The following NF1 variants were observed in gnomAD, a reference collection of about 807,000 sequenced individuals.
NF1 encodes the protein neurofibromin.
Under a neutral mutation model 325.7 loss-of-function variants are expected in NF1, and 122 were observed. That is an observed-to-expected ratio of 0.37 (90% CI 0.32 to 0.44). The LOEUF is 0.44. Ranked by LOEUF, NF1 falls within the 20% of genes least tolerant of loss-of-function variation. NF1 has a pLI of 1.00. For missense variants in NF1, 2,140 were observed against 3,415.4 expected (o/e 0.63, Z 9.31); for synonymous variants, 1,091 against 1,186.0 (o/e 0.92, Z 1.65).
rs2151561518 is a variant in NF1 at position 31,340,523 on chromosome 17, G to C, written c.6940G>C (p.Ala2314Pro). ...TTGCCAGGACTCGCCTCTGCACAAA[G>C]CCCTCTTTTGGGTAGCTGTGGCTGT... ...LLNKDSPLHK[A>P]LFWVAVAVLQ... Residue 2314 changes from alanine to proline, a missense_variant, in exon 47 of 58, where the codon GCC (alanine) becomes CCC (proline). Coordinates refer to ENST00000358273, the MANE Select transcript of NF1 (RefSeq NM_001042492.3). The C allele has an allele frequency of 6.2e-7, 1 of 1,614,118 alleles. No individual in the cohort carries two copies. The highest frequency in any genetic ancestry group is 8.5e-7 in the Non-Finnish European group (1 of 1,180,010).
At position 31,374,034 on chromosome 17, in the gene NF1, A is replaced by G. The variant is rs753479281; in HGVS notation, c.8399A>G (p.Glu2800Gly). 1 of 1,614,070 alleles carries G rather than the reference A, an allele frequency of 6.2e-7. No homozygotes were observed. The highest frequency in any genetic ancestry group is 1.1e-5 in the South Asian group (1 of 91,088). ...CCAGGAATCGACAAGGAGAACGTTG[A>G]ACTCTCCCCTACCACTGGCCACTGT... The part of the protein sequence containing the change: ...HSPGIDKENV[E>G]LSPTTGHCNS... Residue 2800 changes from glutamate (E) to glycine (G), a missense_variant, in exon 58 of 58, where the codon GAA becomes GGA. Physicochemically the swap from Glu to Gly is moderately conservative, Grantham distance 98 (BLOSUM62 -2). This residue lies in a region of NF1 where 522 missense variants were observed against 749.0 expected (regional missense o/e 0.70). Coordinates refer to ENST00000358273, the MANE Select transcript of NF1 (RefSeq NM_001042492.3).
At chr17:31,315,333 A>T (rs1253379523) in intron 36 of NF1, among the ~76,000 whole-genome samples, 4 of 152,106 alleles carry the variant, frequency 2.6e-5, no homozygotes, top group Non-Finnish European at 5.9e-5. Context: ...AATGAATAAG[A>T]CCTATTTGAT....
At chr17:31,216,884 G>T (rs1454283870) in intron 13 of NF1, among the ~76,000 whole-genome samples, 2 of 151,996 alleles carry the variant, frequency 1.3e-5, no homozygotes, top group Non-Finnish European at 2.9e-5. Context: ...CCTAGAATCT[G>T]CTTACTCTTA....
intron 29 of NF1, among the ~76,000 whole-genome samples, chr17:31,241,123 C>A (rs980016236): frequency 2.6e-5 from 4 of 152,140 alleles, no homozygotes; most frequent in Admixed American, 1.3e-4. Context: ...AGCAATCCAC[C>A]CGCCTCGGTC....
intron 1 of NF1, among the ~76,000 whole-genome samples, chr17:31,108,818 CAG>C (rs916152476): frequency 3.9e-5 from 6 of 152,136 alleles, no homozygotes; most frequent in African/African-American, 7.2e-5. Flanking sequence ...AATGAGTTAA[CAG>C]GGGGGCAAGC....
In NF1 at chr17:31,111,087, A is replaced by G. The variant is rs1322320706; in HGVS notation, c.60+15718A>G. Among the ~76,000 whole-genome samples the G allele has an allele frequency of 3.3e-5, 5 of 152,184 alleles. No individual in the cohort carries two copies. In the East Asian group the frequency reaches 9.7e-4, roughly 29 times the overall value. On this transcript the variant is annotated intron_variant, in intron 1 of 57. Coordinates refer to ENST00000358273, the MANE Select transcript of NF1 (RefSeq NM_001042492.3). ...ACCACCATCACAAACCCCCCCATTA[A>G]TAATTAATTGACATTAATCTGAAAT... is the stretch of plus-strand genomic sequence containing the variant.
chr17:31,097,602 C>A (rs1486788430), intron 1 of NF1, among the ~76,000 whole-genome samples: 1 of 152,130 alleles, frequency 6.6e-6, no homozygotes, highest in Non-Finnish European at 1.5e-5. Flanking sequence ...AAACTCACCA[C>A]CATCTGTTAA....
intron 2 of NF1, among the ~76,000 whole-genome samples, chr17:31,157,795 T>TAA (rs71142027): frequency 0.019 from 2,321 of 122,092 alleles, 27 homozygotes; most frequent in Non-Finnish European, 0.031. Context: ...CCGTCTCTAC[T>TAA]AAAAAAAAAA....
chr17:31,352,217 C>A lies in NF1; in HGVS notation c.7458-40C>A, dbSNP rs763212032. The A allele has an allele frequency of 5.7e-6, 9 of 1,588,010 alleles. No homozygotes were observed. The South Asian group carries it at 9.9e-5, about 18-fold the overall frequency. ...GAGCAAACGATGGTTGTATTTGTCACCATATTAATTGATTTTTCTCTATTG... is the reference window on the plus strand; with the variant it reads ...GAGCAAACGATGGTTGTATTTGTCAACATATTAATTGATTTTTCTCTATTG... On this transcript the variant is annotated intron_variant, in intron 50 of 57. Coordinates refer to ENST00000358273, the MANE Select transcript of NF1 (RefSeq NM_001042492.3).
intron 4 of NF1, 137 bp downstream of exon 4, chr17:31,163,513 C>G: frequency 1.2e-6 from 1 of 836,420 alleles, no homozygotes; most frequent in Non-Finnish European, 1.9e-6. Flanking sequence ...CCCCTCACAG[C>G]AGCTTTGACC....
chr17:31,239,969 G>A (rs1174296140), intron 29 of NF1, among the ~76,000 whole-genome samples: 1 of 152,102 alleles, frequency 6.6e-6, no homozygotes, highest in Non-Finnish European at 1.5e-5. Flanking sequence ...TCACAATATT[G>A]GCCAGGCTAG....
chr17:31,206,490 C>G, intron 12 of NF1, 119 bp downstream of exon 12: 1 of 1,189,072 alleles, frequency 8.4e-7, no homozygotes, highest in Non-Finnish European at 1.2e-6. Context: ...TTCATTTCCT[C>G]TAAATGTTGT....
chr17:31,135,924 C>T (rs1004652517), intron 1 of NF1, among the ~76,000 whole-genome samples: 1 of 151,776 alleles, frequency 6.6e-6, no homozygotes, highest in African/African-American at 2.4e-5. Context: ...ATTTTTTTAC[C>T]CCTTGAGTCT....
chr17:31,217,312 C>A (rs894082907), intron 13 of NF1, among the ~76,000 whole-genome samples: 27 of 32,344 alleles, frequency 8.3e-4, no homozygotes, highest in Admixed American at 1.0e-3. Flanking sequence ...TTCATATATT[C>A]TTCTTTTTTT....
intron 5 of NF1, among the ~76,000 whole-genome samples, chr17:31,170,863 G>A (rs773912763): frequency 4.6e-5 from 7 of 151,898 alleles, no homozygotes; most frequent in Non-Finnish European, 7.4e-5. Flanking sequence ...TTAGTTTTTG[G>A]CATTATTAGA....
chr17:31,268,611 G>A (rs1278453962), intron 36 of NF1, among the ~76,000 whole-genome samples: 1 of 147,300 alleles, frequency 6.8e-6, no homozygotes, highest in African/African-American at 2.5e-5. Context: ...TGGTGACAGA[G>A]CAAGACTCTG....
chr17:31,133,795 T>C (rs1182443931), intron 1 of NF1: 2 of 152,322 alleles, frequency 1.3e-5, no homozygotes, highest in Non-Finnish European at 2.9e-5. Context: ...TAGCTGGGAC[T>C]ACTGGCACCT....
At position 31,340,499 on chromosome 17, in the gene NF1, T is replaced by G. The variant is rs892776409; in HGVS notation, c.6922-6T>G. On this transcript the variant is annotated splice_region_variant and splice_polypyrimidine_tract_variant and intron_variant, in intron 46 of 57. Transcript: ENST00000358273. ...TTACTAGCCTCAAACATATCTTCTTTGCCAGGACTCGCCTCTGCACAAAGC... is the reference window on the plus strand; with the variant it reads ...TTACTAGCCTCAAACATATCTTCTTGGCCAGGACTCGCCTCTGCACAAAGC... 3.1e-6 allele frequency: 5 copies of G among 1,614,092 alleles called. No individual in the cohort carries two copies. Among genetic ancestry groups the G allele is most frequent in the Non-Finnish European group, 4.2e-6 (5 of 1,180,036 alleles).
intron 35 of NF1, 118 bp downstream of exon 35, chr17:31,261,975 A>G (rs1412024819): frequency 1.1e-5 from 11 of 967,014 alleles, no homozygotes; most frequent in Non-Finnish European, 1.8e-5. Flanking sequence ...TTTAATAATC[A>G]CATTGCCATG....
Sources: gnomAD v4.1 joint callset for allele counts (sites outside exome capture counted in the v4.1 genomes callset) on GRCh38, gnomAD v4.1.1 for gene constraint, gnomAD v4.1.1 regional missense constraint, MANE v1.5 for transcripts, NCBI Gene and HGNC (gene_info 2026-07-23, HGNC 2026-07-21) for gene names.